The following UBAC2 variants were observed in gnomAD, a reference collection of about 807,000 sequenced individuals.
UBAC2 encodes the protein UBA domain containing 2.
A neutral mutation model predicts 44.0 loss-of-function variants in UBAC2; 26 were observed. That is an observed-to-expected ratio of 0.59 (90% CI 0.43 to 0.82). UBAC2 has a LOEUF of 0.82. Ranked by LOEUF, UBAC2 falls within the 40% of genes least tolerant of loss-of-function variation. UBAC2 has a pLI of 0.00. For synonymous variants in UBAC2, 155 were observed against 154.3 expected, an observed-to-expected ratio of 1.00 and a Z score of -0.04; for missense variants, 329 against 419.4, an observed-to-expected ratio of 0.78 and a Z score of 1.88.
chr13:99,292,460 C>G (rs1025314704), intron 4 of UBAC2, among the ~76,000 whole-genome samples: 1 of 152,150 alleles, frequency 6.6e-6, no homozygotes, highest in Non-Finnish European at 1.5e-5. Flanking sequence ...ATTCCTAATG[C>G]TGCCTTTAAT....
At chr13:99,248,000 T>C (rs951298814) in intron 4 of UBAC2, among the ~76,000 whole-genome samples, 1 of 152,134 alleles carries the variant, frequency 6.6e-6, no homozygotes, top group African/African-American at 2.4e-5. Flanking sequence ...TTTTAACCTC[T>C]CGTTGTTTCA....
At chr13:99,236,921 G>A (rs1272245950) in intron 1 of UBAC2, among the ~76,000 whole-genome samples, 1 of 151,926 alleles carries the variant, frequency 6.6e-6, no homozygotes, top group Non-Finnish European at 1.5e-5. Flanking sequence ...CTGGTACACT[G>A]TTGGTGGGAA....
At chr13:99,286,949 C>G (rs1015654831) in intron 4 of UBAC2, among the ~76,000 whole-genome samples, 2 of 152,092 alleles carry the variant, frequency 1.3e-5, no homozygotes, top group African/African-American at 4.8e-5. Context: ...TGAATTTCTG[C>G]CTCTACCCCC....
At chr13:99,263,754 A>G (rs527734360) in intron 4 of UBAC2, among the ~76,000 whole-genome samples, 1 of 152,346 alleles carries the variant, frequency 6.6e-6, no homozygotes, top group Non-Finnish European at 1.5e-5. Context: ...CAACTATAGC[A>G]TGAATAAGTC....
chr13:99,256,767 A>AC (rs2043568622), intron 4 of UBAC2, among the ~76,000 whole-genome samples: 2 of 152,024 alleles, frequency 1.3e-5, no homozygotes, highest in Non-Finnish European at 2.9e-5. Context: ...GGTTGCAAAT[A>AC]TCATTGACTC....
At chr13:99,277,138 T>A (rs1034285446) in intron 4 of UBAC2, among the ~76,000 whole-genome samples, 1 of 151,928 alleles carries the variant, frequency 6.6e-6, no homozygotes. Flanking sequence ...TGTGGGCTTA[T>A]ACCTTTAAAA....
chr13:99,226,918 G>T (rs1335953083), intron 1 of UBAC2, among the ~76,000 whole-genome samples: 2 of 152,076 alleles, frequency 1.3e-5, no homozygotes, highest in Non-Finnish European at 2.9e-5. Flanking sequence ...GCACCCCTTG[G>T]CTGGGCGCGG....
At chr13:99,333,779 G>A (rs2044748966) in intron 6 of UBAC2, among the ~76,000 whole-genome samples, 1 of 152,040 alleles carries the variant, frequency 6.6e-6, no homozygotes, top group Non-Finnish European at 1.5e-5. Context: ...TCATTGTGGG[G>A]GCAGGGAAGG....
intron 7 of UBAC2, among the ~76,000 whole-genome samples, chr13:99,363,134 C>T (rs9585039): frequency 0.096 from 14,682 of 152,160 alleles, 851 homozygotes; most frequent in South Asian, 0.26. Flanking sequence ...GTATTCAGTA[C>T]GGGCTCATAA....
intron 1 of UBAC2, among the ~76,000 whole-genome samples, chr13:99,220,576 CCAGAGAGGTATTTTG>C (rs1664545035): frequency 6.6e-6 from 1 of 152,156 alleles, no homozygotes. Context: ...ATTATCTTTG[CCAGAGAGGTATTTTG>C]CATTTTTACT....
intron 7 of UBAC2, among the ~76,000 whole-genome samples, chr13:99,358,351 A>G (rs1217438165): frequency 2.0e-5 from 3 of 152,182 alleles, no homozygotes; most frequent in Admixed American, 2.0e-4. Context: ...GATTTGCTTC[A>G]TGTACTTCAA....
intron 8 of UBAC2, among the ~76,000 whole-genome samples, chr13:99,380,062 C>CT (rs746085181): frequency 6.6e-6 from 1 of 152,098 alleles, no homozygotes; most frequent in Non-Finnish European, 1.5e-5. Flanking sequence ...GAGAGGGTCT[C>CT]TTTTCCCTTG....
At chr13:99,357,317 G>T (rs1050055928) in intron 7 of UBAC2, among the ~76,000 whole-genome samples, 5 of 152,202 alleles carry the variant, frequency 3.3e-5, no homozygotes, top group Admixed American at 1.3e-4. Flanking sequence ...TCAGAATGAA[G>T]CCCTGTTGTT....
At chr13:99,323,517 A>G (rs981217211) in intron 6 of UBAC2, among the ~76,000 whole-genome samples, 8 of 152,264 alleles carry the variant, frequency 5.3e-5, no homozygotes, top group African/African-American at 1.4e-4. Context: ...AAAGGACCAC[A>G]TGTAGAAGTT....
chr13:99,299,253 C>A (rs2138726262), intron 4 of UBAC2, among the ~76,000 whole-genome samples: 1 of 152,268 alleles, frequency 6.6e-6, no homozygotes, highest in East Asian at 1.9e-4. Context: ...ATAAACAGTT[C>A]AAATATCCTT....
chr13:99,254,935 T>C, intron 4 of UBAC2: 2 of 1,614,150 alleles, frequency 1.2e-6, no homozygotes. Flanking sequence ...TCGGAAACTT[T>C]TTCTGCGCAT....
At chr13:99,215,231 T>G (rs1566450134) in intron 1 of UBAC2, 3 of 638,818 alleles carry the variant, frequency 4.7e-6, no homozygotes, top group Non-Finnish European at 8.5e-6. Context: ...GGAAAGCTAA[T>G]TAAACTTCCA....
At chr13:99,313,905 T>G (rs2044449285) in intron 4 of UBAC2, among the ~76,000 whole-genome samples, 192 bp from the exon 5 acceptor site, 2 of 152,220 alleles carry the variant, frequency 1.3e-5, no homozygotes, top group Admixed American at 1.3e-4. Flanking sequence ...ATAGAATGAT[T>G]AGAGTTTTCA....
intron 4 of UBAC2, among the ~76,000 whole-genome samples, chr13:99,278,697 A>G (rs928454752): frequency 3.9e-5 from 6 of 152,234 alleles, no homozygotes; most frequent in African/African-American, 1.4e-4. Context: ...AGTTGAATGG[A>G]TAGATATTTT....
Sources: allele counts gnomAD v4.1 joint callset (sites outside exome capture counted in the v4.1 genomes callset), GRCh38; gene constraint gnomAD v4.1.1; transcripts MANE v1.5; gene names NCBI Gene and HGNC (gene_info 2026-07-23, HGNC 2026-07-21).